PARD3: variants seen among roughly 807,000 people sequenced by gnomAD.
PARD3 encodes the protein partitioning defective 3 homolog.
Under a neutral mutation model 155.4 loss-of-function variants are expected in PARD3, and 75 were observed. The observed-to-expected ratio is 0.48, with a 90% CI of 0.40 to 0.58. The LOEUF (loss-of-function observed/expected upper bound fraction) is 0.58. PARD3 is among the 20% of genes least tolerant of loss of function. PARD3 has a pLI of 0.00. For missense variants in PARD3, 1,642 were observed against 1,721.7 expected, an observed-to-expected ratio of 0.95 and a Z score of 0.82; for synonymous variants, 576 against 610.5, an observed-to-expected ratio of 0.94 and a Z score of 0.83.
intron 2 of PARD3, among the ~76,000 whole-genome samples, chr10:34,581,152 T>C (rs919425550): frequency 2.6e-5 from 4 of 152,236 alleles, no homozygotes; most frequent in African/African-American, 9.6e-5. Flanking sequence ...ATACAGCATC[T>C]TTAAATATAA....
intron 22 of PARD3, among the ~76,000 whole-genome samples, chr10:34,145,195 A>G (rs559750421): frequency 7.2e-4 from 39 of 53,832 alleles, no homozygotes; most frequent in African/African-American, 2.3e-3. Flanking sequence ...GTGTGTATAT[A>G]TATATATATA....
intron 1 of PARD3, among the ~76,000 whole-genome samples, chr10:34,793,059 G>A (rs893172426): frequency 6.6e-6 from 1 of 152,224 alleles, no homozygotes; most frequent in Non-Finnish European, 1.5e-5. Context: ...GCAGGTGTGG[G>A]CTCCAGCAGT....
At chr10:34,765,437 G>A (rs1169500317) in intron 1 of PARD3, among the ~76,000 whole-genome samples, 2 of 152,112 alleles carry the variant, frequency 1.3e-5, no homozygotes, top group African/African-American at 4.8e-5. Flanking sequence ...CAGCACTTTG[G>A]GAGGCTGAGG....
intron 1 of PARD3, among the ~76,000 whole-genome samples, chr10:34,780,838 C>T (rs575371542): frequency 1.1e-4 from 17 of 152,140 alleles, no homozygotes; most frequent in Non-Finnish European, 2.5e-4. Flanking sequence ...AGGCAACATA[C>T]GCTGAAATAA....
intron 22 of PARD3, among the ~76,000 whole-genome samples, chr10:34,200,467 A>T (rs1951160222): frequency 6.6e-6 from 1 of 151,766 alleles, no homozygotes; most frequent in African/African-American, 2.4e-5. Flanking sequence ...GCAAGTCAGG[A>T]AATGAATCTG....
At chr10:34,619,433 T>C (rs968422230) in intron 2 of PARD3, among the ~76,000 whole-genome samples, 1 of 152,186 alleles carries the variant, frequency 6.6e-6, no homozygotes, top group Non-Finnish European at 1.5e-5. Context: ...ACTACAATGG[T>C]GATGCTGACA....
At chr10:34,751,771 CTTT>C (rs546186706) in intron 1 of PARD3, among the ~76,000 whole-genome samples, 2 of 137,588 alleles carry the variant, frequency 1.5e-5, no homozygotes, top group Admixed American at 7.3e-5. Context: ...GCCTGTCTAG[CTTT>C]TTTTTTTTTT....
At chr10:34,176,351 A>C (rs547025777) in intron 22 of PARD3, among the ~76,000 whole-genome samples, 1 of 152,360 alleles carries the variant, frequency 6.6e-6, no homozygotes, top group Admixed American at 6.5e-5. Flanking sequence ...ATTAAGAAAA[A>C]TTGGAATGAG....
At chr10:34,799,953 C>T (rs1205206522) in intron 1 of PARD3, among the ~76,000 whole-genome samples, 1 of 151,956 alleles carries the variant, frequency 6.6e-6, no homozygotes. Context: ...TACAGTGAGA[C>T]TCCATCTCTA....
intron 1 of PARD3, among the ~76,000 whole-genome samples, chr10:34,723,234 C>T (rs2094636913): frequency 1.3e-5 from 2 of 152,116 alleles, no homozygotes. Flanking sequence ...ATCCCAGCTA[C>T]TTGGGAGGCT....
At position 34,345,755 on chromosome 10, in the gene PARD3, G is replaced by C. The variant is rs1046545148; in HGVS notation, c.2218+2210C>G. The C allele has an allele frequency of 6.1e-6, 6 of 985,204 alleles. No homozygotes were observed. In the African/African-American group the frequency reaches 1.0e-4, roughly 17 times the overall value. The allele number at this position is 985,204 out of a possible 1,614,324, so 61.0% of individuals were successfully genotyped here. On this transcript the variant is annotated intron_variant, in intron 15 of 24. Coordinates refer to ENST00000374788, the MANE Select transcript of PARD3 (RefSeq NM_001184785.2). Reference sequence around the variant, plus strand: ...TGCCCCATACCTCTCCTAATGCCTTGTTTGGGCATTCTCTTGCAAGGTAAC... The same window carrying C: ...TGCCCCATACCTCTCCTAATGCCTTCTTTGGGCATTCTCTTGCAAGGTAAC...
chr10:34,601,314 G>C (rs1392054057), intron 2 of PARD3, among the ~76,000 whole-genome samples: 4 of 151,476 alleles, frequency 2.6e-5, no homozygotes, highest in African/African-American at 9.7e-5. Context: ...ATAGTGGCAG[G>C]GGCCTGTGGT....
intron 2 of PARD3, among the ~76,000 whole-genome samples, chr10:34,690,051 C>T (rs925862235): frequency 6.6e-6 from 1 of 152,178 alleles, no homozygotes; most frequent in East Asian, 1.9e-4. Flanking sequence ...TCAAGCAGTT[C>T]TCCTGCCTCA....
At chr10:34,750,070 C>CACAA (rs1491522495) in intron 1 of PARD3, among the ~76,000 whole-genome samples, 120 of 135,152 alleles carry the variant, frequency 8.9e-4, no homozygotes, top group African/African-American at 3.3e-3. Flanking sequence ...CACACACACA[C>CACAA]AAAACCCGCA....
At chr10:34,206,681 T>C (rs1951495736) in intron 22 of PARD3, among the ~76,000 whole-genome samples, 2 of 152,186 alleles carry the variant, frequency 1.3e-5, no homozygotes, top group South Asian at 4.1e-4. Flanking sequence ...TTTAACTACA[T>C]GCAAATTAAG....
At chr10:34,196,642 T>G (rs1274477) in intron 22 of PARD3, among the ~76,000 whole-genome samples, 3 of 148,042 alleles carry the variant, frequency 2.0e-5, no homozygotes, top group South Asian at 2.2e-4. Flanking sequence ...GGCTCGATCT[T>G]GGCTCACTGC....
intron 2 of PARD3, among the ~76,000 whole-genome samples, chr10:34,531,301 C>T (rs553603881): frequency 5.3e-5 from 8 of 152,296 alleles, no homozygotes; most frequent in African/African-American, 1.4e-4. Flanking sequence ...TCTGGAAACT[C>T]GTCTGCTGCC....
chr10:34,453,571 T>A (rs1224701200), intron 4 of PARD3, among the ~76,000 whole-genome samples: 2 of 152,316 alleles, frequency 1.3e-5, no homozygotes, highest in Non-Finnish European at 2.9e-5. Context: ...TTAAAAATTG[T>A]TTAGGGAATG....
intron 4 of PARD3, among the ~76,000 whole-genome samples, chr10:34,463,823 AC>A (rs2077834138): frequency 6.6e-6 from 1 of 152,234 alleles, no homozygotes; most frequent in Admixed American, 6.5e-5. Flanking sequence ...TGTTGGATAC[AC>A]AAATATCTAA....
Sources: gnomAD v4.1 joint callset for allele counts (sites outside exome capture counted in the v4.1 genomes callset) on GRCh38, gnomAD v4.1.1 for gene constraint, MANE v1.5 for transcripts, NCBI Gene and HGNC (gene_info 2026-07-23, HGNC 2026-07-21) for gene names.